The following SEMA6D variants were observed in gnomAD, a reference collection of about 807,000 sequenced individuals.
SEMA6D encodes semaphorin-6D.
In SEMA6D, 35 loss-of-function variants were observed where a neutral mutation model predicts 106.6. The observed-to-expected ratio is 0.33, with a 90% CI of 0.25 to 0.44. SEMA6D has a LOEUF of 0.44. Ranked by LOEUF, SEMA6D falls within the 20% of genes least tolerant of loss-of-function variation. The probability of loss-of-function intolerance (pLI) is 1.00; values close to 1 mark genes in which losing one functional copy is unlikely to be tolerated. For missense variants in SEMA6D, 1,185 were observed against 1,345.9 expected (o/e 0.88, Z 1.87); for synonymous variants, 499 against 487.7 (o/e 1.02, Z -0.31).
chr15:47,520,497 A>C (rs1397025068), intron 3 of SEMA6D, among the ~76,000 whole-genome samples: 2 of 152,244 alleles, frequency 1.3e-5, no homozygotes, highest in African/African-American at 2.4e-5. Context: ...CAAGACCTAC[A>C]GTAATGTCAT....
chr15:47,645,427 G>T (rs1458036491), intron 4 of SEMA6D, among the ~76,000 whole-genome samples: 1 of 152,106 alleles, frequency 6.6e-6, no homozygotes, highest in Non-Finnish European at 1.5e-5. Context: ...CTTGGAGATT[G>T]GCACCAAGGT....
intron 1 of SEMA6D, among the ~76,000 whole-genome samples, chr15:47,743,260 A>AATAATTTAATAC (rs1375940639): frequency 6.6e-6 from 1 of 152,218 alleles, no homozygotes; most frequent in Non-Finnish European, 1.5e-5. Flanking sequence ...TGCTTAATTT[A>AATAATTTAATAC]ATAATTTAAT....
At chr15:47,370,752 C>A (rs1242407753) in intron 1 of SEMA6D, among the ~76,000 whole-genome samples, 1 of 147,484 alleles carries the variant, frequency 6.8e-6, no homozygotes, top group African/African-American at 2.5e-5. Context: ...CCCAGCTACT[C>A]ATAAAGCTGA....
chr15:47,365,987 C>T lies in SEMA6D; in HGVS notation c.-238-46406C>T, dbSNP rs1011601112. ...AGAAAGAAAGAAACAGAACCTACCA[C>T]GTTTTTTTCCAGAGCATATTACATT... On this transcript the variant is annotated intron_variant, in intron 1 of 19. Coordinates refer to the SEMA6D transcript ENST00000558014. 6.6e-5 allele frequency among the ~76,000 whole-genome samples: 10 copies of T among 152,086 alleles called. 1 individual carries two copies. Among genetic ancestry groups the T allele is most frequent in the African/African-American group, 1.9e-4 (8 of 41,484 alleles).
intron 1 of SEMA6D, among the ~76,000 whole-genome samples, chr15:47,228,903 C>G (rs2141529202): frequency 6.6e-6 from 1 of 152,086 alleles, no homozygotes; most frequent in Non-Finnish European, 1.5e-5. Flanking sequence ...CTGTATCCAT[C>G]ACAGCTCCTA....
intron 1 of SEMA6D, among the ~76,000 whole-genome samples, chr15:47,315,739 A>G (rs1206279398): frequency 6.6e-6 from 1 of 151,934 alleles, no homozygotes; most frequent in Admixed American, 6.6e-5. Flanking sequence ...ATATTTCTCT[A>G]TTCATTTAGT....
chr15:47,499,576 A>G (rs1279564651), intron 3 of SEMA6D, among the ~76,000 whole-genome samples: 1 of 152,174 alleles, frequency 6.6e-6, no homozygotes, highest in Non-Finnish European at 1.5e-5. Context: ...TCATGCTTTC[A>G]GAACAGACTT....
intron 1 of SEMA6D, among the ~76,000 whole-genome samples, chr15:47,383,529 G>A (rs1026977332): frequency 2.0e-5 from 3 of 152,300 alleles, no homozygotes; most frequent in Middle Eastern, 3.4e-3. Flanking sequence ...ATTTCCACAT[G>A]TGGCACTGCC....
At chr15:47,461,210 A>G (rs563867257) in intron 2 of SEMA6D, among the ~76,000 whole-genome samples, 1 of 152,086 alleles carries the variant, frequency 6.6e-6, no homozygotes, top group Admixed American at 6.6e-5. Context: ...CACATTGCCT[A>G]AAATAATGGC....
chr15:47,452,166 G>A (rs1013505573), intron 2 of SEMA6D, among the ~76,000 whole-genome samples: 1 of 151,922 alleles, frequency 6.6e-6, no homozygotes, highest in Non-Finnish European at 1.5e-5. Context: ...ATAGCAGCAA[G>A]CACTAAATTA....
intron 3 of SEMA6D, among the ~76,000 whole-genome samples, chr15:47,471,986 A>T (rs981573761): frequency 1.2e-4 from 18 of 151,484 alleles, no homozygotes; most frequent in African/African-American, 4.1e-4. Context: ...AAAAAGAGAA[A>T]GAGAGAGAGG....
chr15:47,314,849 CTTTTTTTTTTT>C (rs1173992222), intron 1 of SEMA6D, among the ~76,000 whole-genome samples: 3 of 83,918 alleles, frequency 3.6e-5, no homozygotes, highest in Admixed American at 1.6e-4. Context: ...TCTAGGTTTT[CTTTTTTTTTTT>C]TTTTTTTTTT....
chr15:47,535,781 G>A lies in SEMA6D; in HGVS notation c.-86-65084G>A, dbSNP rs936766012. 4.6e-5 allele frequency among the ~76,000 whole-genome samples: 7 copies of A among 152,118 alleles called. 1 individual carries two copies. The highest frequency in any genetic ancestry group is 4.6e-4 in the Admixed American group (7 of 15,256). ...GATGAGAGATGCGGGCAGGGAAAGA[G>A]AGAGGATATGAGGGAAAGCCTCATG... On this transcript the variant is annotated intron_variant, in intron 3 of 19. Transcript: ENST00000558014.
chr15:47,547,252 G>T (rs1204633676), intron 3 of SEMA6D, among the ~76,000 whole-genome samples: 3 of 152,056 alleles, frequency 2.0e-5, no homozygotes, highest in African/African-American at 7.2e-5. Flanking sequence ...AAACCCACCA[G>T]TTTATAAATC....
intron 4 of SEMA6D, among the ~76,000 whole-genome samples, chr15:47,652,035 A>G (rs1400910646): frequency 6.6e-6 from 1 of 152,206 alleles, no homozygotes; most frequent in Non-Finnish European, 1.5e-5. Context: ...TCCTACTCTT[A>G]GTATTCATAA....
At chr15:47,347,482 A>G (rs1033136138) in intron 1 of SEMA6D, among the ~76,000 whole-genome samples, 2 of 152,252 alleles carry the variant, frequency 1.3e-5, no homozygotes, top group Non-Finnish European at 2.9e-5. Context: ...CCTGCTGGGC[A>G]TCCATAATCA....
At chr15:47,220,852 A>G (rs936887219) in intron 1 of SEMA6D, among the ~76,000 whole-genome samples, 1 of 152,242 alleles carries the variant, frequency 6.6e-6, no homozygotes, top group African/African-American at 2.4e-5. Flanking sequence ...ACAGAAGATT[A>G]ATCCTCTTTG....
chr15:47,497,534 C>T (rs1008020648), intron 3 of SEMA6D, among the ~76,000 whole-genome samples: 1 of 152,092 alleles, frequency 6.6e-6, no homozygotes, highest in Non-Finnish European at 1.5e-5. Flanking sequence ...ACTGCCTCTA[C>T]TCCCATAGAT....
intron 2 of SEMA6D, among the ~76,000 whole-genome samples, chr15:47,423,990 AT>A (rs1250354319): frequency 3.9e-5 from 6 of 152,152 alleles, no homozygotes; most frequent in Non-Finnish European, 1.5e-5. Flanking sequence ...TTCTGCTTAT[AT>A]CTAATATAAC....
Sources: gnomAD v4.1 joint callset for allele counts (sites outside exome capture counted in the v4.1 genomes callset) on GRCh38, gnomAD v4.1.1 for gene constraint, MANE v1.5 for transcripts, NCBI Gene and HGNC (gene_info 2026-07-23, HGNC 2026-07-21) for gene names.